The following THUMPD3 variants were observed in gnomAD, a reference collection of about 807,000 sequenced individuals.
THUMPD3 encodes THUMP domain 3 tRNA guanosine methyltransferase.
THUMPD3 carries 44 observed loss-of-function variants against 54.5 expected under a neutral mutation model. The observed-to-expected ratio is 0.81, with a 90% CI of 0.63 to 1.04. THUMPD3 has a LOEUF of 1.04. Among genes scored for constraint, THUMPD3 ranks in the 50% least tolerant of loss-of-function variants. The pLI is 0.00. For synonymous variants in THUMPD3, 196 were observed against 201.4 expected (o/e 0.97, Z 0.23); for missense variants, 604 against 601.3 (o/e 1.00, Z -0.05).
intron 3 of THUMPD3, among the ~76,000 whole-genome samples, chr3:9,368,867 A>G (rs147280417): frequency 3.1e-4 from 47 of 152,272 alleles, no homozygotes; most frequent in African/African-American, 1.1e-3. Context: ...TTCTGGAGAT[A>G]TTTTACGAAT....
intron 6 of THUMPD3, among the ~76,000 whole-genome samples, chr3:9,379,287 C>G (rs1226926557): frequency 1.3e-5 from 2 of 151,926 alleles, no homozygotes; most frequent in Non-Finnish European, 2.9e-5. Flanking sequence ...CCTCTACATC[C>G]CCACCCACCC....
chr3:9,370,912 CTTTTGAGCATCTTTGGG>C (rs1269320843), intron 3 of THUMPD3, 131 bp from the exon 4 acceptor site: 1 of 676,392 alleles, frequency 1.5e-6, no homozygotes, highest in Non-Finnish European at 2.6e-6. Context: ...ATATGAGGGA[CTTTTGAGCATCTTTGGG>C]TTTTGGTGTC....
Position 9,384,264 on chromosome 3 carries a change from A to G in THUMPD3, c.1288A>G (p.Met430Val). 6.2e-7 allele frequency: 1 copy of G among 1,614,176 alleles called. No individual in the cohort carries two copies. Among genetic ancestry groups the G allele is most frequent in the Non-Finnish European group, 8.5e-7 (1 of 1,180,030 alleles). ...WNLYPACLRE[M>V]SRVCTPTTGR... ...CCTTTATCCAGCTTGCCTACGGGAG[A>G]TGAGCCGTGTCTGCACACCTACCAC... Residue 430 changes from methionine (M) to valine (V), a missense_variant, in exon 9 of 10, where the codon ATG (methionine) becomes GTG (valine). Coordinates refer to ENST00000452837, the MANE Select transcript of THUMPD3 (RefSeq NM_001114092.2).
intron 8 of THUMPD3, 143 bp from the exon 9 acceptor site, chr3:9,384,069 T>C (rs2033140140): frequency 4.8e-6 from 5 of 1,040,744 alleles, no homozygotes; most frequent in Non-Finnish European, 5.6e-6. Flanking sequence ...ACTTATTTCA[T>C]AGACATGTAA....
At chr3:9,366,841 T>C in intron 2 of THUMPD3, 67 bp from the exon 3 acceptor site, 1 of 1,292,768 alleles carries the variant, frequency 7.7e-7, no homozygotes, top group East Asian at 2.4e-5. Context: ...TTTTAAATAC[T>C]TAATTGTTGA....
chr3:9,371,478 G>T lies in THUMPD3; in HGVS notation c.749G>T (p.Gly250Val). The T allele has an allele frequency of 6.2e-7, 1 of 1,614,114 alleles. No individual in the cohort carries two copies. Among genetic ancestry groups the T allele is most frequent in the Non-Finnish European group, 8.5e-7 (1 of 1,180,008 alleles). ...TCAAATGAGGCTGCAAGAGATTTTG[G>T]GGGTGCTGTTCAAGATTATTTTAAG... The part of the protein sequence containing the change: ...FTSNEAARDF[G>V]GAVQDYFKWK... The change falls in exon 4 of 10, where the codon GGG (glycine) becomes GTG (valine). Residue 250 changes from glycine (G) to valine (V), a missense_variant. Transcript: ENST00000452837.
Position 9,384,062 on chromosome 3 carries a change from T to C in THUMPD3, c.1236-150T>C, listed in dbSNP as rs139830310. The C allele has an allele frequency of 4.0e-5, 40 of 995,566 alleles. No individual in the cohort carries two copies. The African/African-American group carries it at 6.3e-4, about 16-fold the overall frequency. 61.7% of individuals were successfully genotyped at this position (995,566 alleles called of 1,614,324 possible). On this transcript the variant is annotated intron_variant, in intron 8 of 9. Transcript: ENST00000452837. ...TTCTAAGCAGTTTACTAACTCAACT[T>C]ATTTCATAGACATGTAATGGCAAAG... is the stretch of plus-strand genomic sequence containing the variant.
At chr3:9,373,019 G>A (rs1291379834) in intron 4 of THUMPD3, among the ~76,000 whole-genome samples, 1 of 152,166 alleles carries the variant, frequency 6.6e-6, no homozygotes, top group Non-Finnish European at 1.5e-5. Flanking sequence ...GGCCTTGGCA[G>A]GCAGATCGCT....
At chr3:9,376,918 CT>C (rs1376687324) in intron 5 of THUMPD3, among the ~76,000 whole-genome samples, 1 of 152,172 alleles carries the variant, frequency 6.6e-6, no homozygotes, top group Non-Finnish European at 1.5e-5. Flanking sequence ...AGGGTCCTTA[CT>C]GAGGATTCTG....
chr3:9,383,948 T>C (rs1466148482), intron 8 of THUMPD3, among the ~76,000 whole-genome samples: 1 of 152,190 alleles, frequency 6.6e-6, no homozygotes, highest in African/African-American at 2.4e-5. Flanking sequence ...ATCACTTGTT[T>C]GGTTTATACA....
chr3:9,384,070 A>T, intron 8 of THUMPD3, 142 bp from the exon 9 acceptor site: 1 of 1,033,848 alleles, frequency 9.7e-7, no homozygotes, highest in Non-Finnish European at 1.4e-6. Context: ...CTTATTTCAT[A>T]GACATGTAAT....
At chr3:9,383,134 C>T (rs780254840) in intron 7 of THUMPD3, 65 bp from the exon 8 acceptor site, 6 of 1,161,078 alleles carry the variant, frequency 5.2e-6, no homozygotes, top group African/African-American at 1.5e-5. Context: ...TCTTCAGAAA[C>T]AAAAATTGTT....
At chr3:9,382,940 G>C in intron 7 of THUMPD3, 1 of 342,792 alleles carries the variant, frequency 2.9e-6, no homozygotes, top group Non-Finnish European at 5.5e-6. Context: ...GTGTTGCTCA[G>C]CTGGTCTCAA....
chr3:9,371,048 T>A lies in THUMPD3; in HGVS notation c.331-12T>A. The A allele has an allele frequency of 1.3e-6, 2 of 1,527,374 alleles. No homozygotes were observed. The highest frequency in any genetic ancestry group is 1.8e-6 in the Non-Finnish European group (2 of 1,138,192). The allele number at this position is 1,527,374 out of a possible 1,614,324, so 94.6% of individuals were successfully genotyped here. A position where few individuals can be genotyped will look rare whatever the true frequency, so the allele number is the denominator to read the frequency against. On this transcript the variant is annotated splice_polypyrimidine_tract_variant and intron_variant, in intron 3 of 9. Coordinates refer to ENST00000452837, the MANE Select transcript of THUMPD3 (RefSeq NM_001114092.2). ...TGAGAAATGAATGAATTTCTTTCTC[T>A]GTCCTTTACAGGAAGAAGTTCTAAA...
intron 6 of THUMPD3, among the ~76,000 whole-genome samples, chr3:9,379,585 C>T (rs1407235044): frequency 3.9e-5 from 6 of 152,184 alleles, no homozygotes; most frequent in Non-Finnish European, 1.5e-5. Context: ...TGACATGTGA[C>T]AGCTTGGTAT....
chr3:9,383,113 G>C (rs767400481), intron 7 of THUMPD3, 86 bp from the exon 8 acceptor site: 10 of 819,420 alleles, frequency 1.2e-5, no homozygotes, highest in Non-Finnish European at 2.1e-5. Flanking sequence ...ATGTTTTGCT[G>C]TAGCAGTCTC....
Position 9,385,348 on chromosome 3 carries a change from G to A in THUMPD3, c.*660G>A, listed in dbSNP as rs974565344. On this transcript the variant is annotated 3_prime_UTR_variant, in exon 10 of 10. Transcript: ENST00000452837. Reference sequence around the variant, plus strand: ...CAAAACTACCCTGGCCCAAAGGAAGGGCAGAGAACATAATTACATCTTAGG... The same window carrying A: ...CAAAACTACCCTGGCCCAAAGGAAGAGCAGAGAACATAATTACATCTTAGG... The A allele has an allele frequency of 2.0e-5, 3 of 152,182 alleles. No individual in the cohort carries two copies. Among genetic ancestry groups the A allele is most frequent in the Non-Finnish European group, 2.9e-5 (2 of 68,068 alleles). 9.4% of individuals were successfully genotyped at this position (152,182 alleles called of 1,614,324 possible).
rs2033250792 is a variant in THUMPD3, at chr3:9,385,165, G to A, written c.*477G>A. 1 of 154,008 alleles carries A rather than the reference G, an allele frequency of 6.5e-6. No individual in the cohort carries two copies. 9.5% of individuals were successfully genotyped at this position (154,008 alleles called of 1,614,324 possible). A position where few individuals can be genotyped will look rare whatever the true frequency, so the allele number is the denominator to read the frequency against. On this transcript the variant is annotated 3_prime_UTR_variant, in exon 10 of 10. Transcript: ENST00000452837. The stretch of plus-strand genomic sequence containing the variant: ...CAAAAAGATTTTATAAGAAAGCAGA[G>A]CTTTTCCTTGAAGCTCTTTTGAAGT...
intron 7 of THUMPD3, chr3:9,380,847 A>G (rs1486161210): frequency 8.6e-6 from 3 of 350,666 alleles, no homozygotes; most frequent in Non-Finnish European, 1.5e-5. Context: ...TGTCTTATTC[A>G]TATGTCTTTT....
Sources: allele counts gnomAD v4.1 joint callset (sites outside exome capture counted in the v4.1 genomes callset), GRCh38; gene constraint gnomAD v4.1.1; transcripts MANE v1.5; gene names NCBI Gene and HGNC (gene_info 2026-07-23, HGNC 2026-07-21).